Variants in BRPF3 observed in about 807,000 individuals in gnomAD.
BRPF3 encodes the protein bromodomain and PHD finger containing 3.
BRPF3 carries 18 observed loss-of-function variants against 102.0 expected under a neutral mutation model. The ratio of observed to expected loss-of-function variants is 0.18; its 90% CI spans 0.12 to 0.26. The LOEUF (loss-of-function observed/expected upper bound fraction) is 0.26. BRPF3 is among the 10% of genes least tolerant of loss of function. The pLI is 1.00. For synonymous variants in BRPF3, 570 were observed against 614.2 expected, an observed-to-expected ratio of 0.93 and a Z score of 1.06; for missense variants, 1,147 against 1,567.8, an observed-to-expected ratio of 0.73 and a Z score of 4.53.
At position 36,200,163 on chromosome 6, in the gene BRPF3, A is replaced by G. The variant is rs1422984803; in HGVS notation, c.-26-134A>G. The stretch of plus-strand genomic sequence containing the variant: ...CTCAAAGGAAGTGAAGGAGCAAGCC[A>G]TGTGGATGCCTGAGGGGCAAGTTGT... On this transcript the variant is annotated intron_variant, in intron 1 of 12. Coordinates refer to ENST00000357641, the MANE Select transcript of BRPF3 (RefSeq NM_015695.3). This position sits in a 1 kb window ranked among gnomAD's most constrained non-coding sequence, Gnocchi z 5.3. 4 of 1,106,196 alleles carry G rather than the reference A, an allele frequency of 3.6e-6. No individual in the cohort carries two copies. The highest frequency in any genetic ancestry group is 3.0e-4 in the Middle Eastern group (1 of 3,332). The allele number at this position is 1,106,196 out of a possible 1,614,324, so 68.5% of individuals were successfully genotyped here. A position where few individuals can be genotyped will look rare whatever the true frequency, so the allele number is the denominator to read the frequency against.
At chr6:36,212,724 C>T (rs1364361824) in intron 7 of BRPF3, among the ~76,000 whole-genome samples, 7 of 151,870 alleles carry the variant, frequency 4.6e-5, no homozygotes, top group African/African-American at 9.7e-5. Context: ...GAGGCCGAGG[C>T]GGGTGGATCA....
chr6:36,209,945 ATTC>A (rs772458567), intron 5 of BRPF3, 30 bp downstream of exon 5: 14 of 1,612,208 alleles, frequency 8.7e-6, no homozygotes, highest in Non-Finnish European at 1.2e-5. Context: ...CAAGTAGTAA[ATTC>A]TTCTTGAACT....
At chr6:36,208,258 T>C (rs1275605801) in intron 4 of BRPF3, among the ~76,000 whole-genome samples, 2 of 152,170 alleles carry the variant, frequency 1.3e-5, no homozygotes, top group Admixed American at 1.3e-4. Flanking sequence ...ATACTGTTAA[T>C]TAAGTGGATG....
chr6:36,208,088 C>T (rs905751658), intron 4 of BRPF3, among the ~76,000 whole-genome samples: 1 of 152,210 alleles, frequency 6.6e-6, no homozygotes, highest in African/African-American at 2.4e-5. Flanking sequence ...GAGCCTACAT[C>T]ATAAGGTTGT....
At position 36,196,906 on chromosome 6, in the gene BRPF3, C is replaced by T. The variant is rs1767510053; in HGVS notation, c.-91C>T. 6.6e-6 allele frequency: 1 copy of T among 151,600 alleles called. No individual in the cohort carries two copies. Among genetic ancestry groups the T allele is most frequent in the African/African-American group, 2.4e-5 (1 of 41,308 alleles). 9.4% of individuals were successfully genotyped at this position (151,600 alleles called of 1,614,324 possible). ...GCTCCGCTTCCCGGGCCGCGCCGAC[C>T]TGCTCGGCGGCCTGCCCGCCCGCGC... On this transcript the variant is annotated 5_prime_UTR_variant, in exon 1 of 13. Transcript: ENST00000357641.
In BRPF3 at chr6:36,218,024, C is replaced by G. The variant is rs1417418709; in HGVS notation, c.3083+14C>G. On this transcript the variant is annotated intron_variant, in intron 9 of 12. Transcript: ENST00000357641. ...TGAAGCTTGCAGGTAAGAACACATT[C>G]CCAAAGCTTTGTCAGCAGCTCTGCT... 2.5e-6 allele frequency: 4 copies of G among 1,606,722 alleles called. No individual in the cohort carries two copies. The Admixed American group carries it at 5.1e-5, about 20-fold the overall frequency.
chr6:36,216,613 A>G (rs1344000819), intron 8 of BRPF3, among the ~76,000 whole-genome samples: 1 of 152,214 alleles, frequency 6.6e-6, no homozygotes, highest in Non-Finnish European at 1.5e-5. Context: ...ACCTGCTCTT[A>G]TAGGAGGGAC....
chr6:36,227,008 T>G lies in BRPF3; in HGVS notation c.3279+1644T>G, dbSNP rs552973155. Among the ~76,000 whole-genome samples, 20 of 152,320 alleles carry G rather than the reference T, an allele frequency of 1.3e-4. No individual in the cohort carries two copies. The South Asian group carries it at 2.9e-3, about 22-fold the overall frequency. On this transcript the variant is annotated intron_variant, in intron 11 of 12. Transcript: ENST00000357641. The stretch of plus-strand genomic sequence containing the variant: ...ATACCTCACAATGCAAAAAAACTAG[T>G]CTAAAACTCGTCTTTTTTTTAATTA...
In BRPF3 at chr6:36,230,161, C is replaced by G. The variant is rs1052201736; in HGVS notation, c.3435-265C>G. 6.6e-6 allele frequency among the ~76,000 whole-genome samples: 1 copy of G among 152,246 alleles called. No individual in the cohort carries two copies. Among genetic ancestry groups the G allele is most frequent in the African/African-American group, 2.4e-5 (1 of 41,540 alleles). On this transcript the variant is annotated intron_variant, in intron 12 of 12. Transcript: ENST00000357641. This position sits in a 1 kb window ranked among gnomAD's most constrained non-coding sequence, Gnocchi z 5.4. Reference sequence around the variant, plus strand: ...TTTCTTAGCCTATGGACCCTTACAACTCTCCAAACAGAGTAAGGGCCCAGA... The same window carrying G: ...TTTCTTAGCCTATGGACCCTTACAAGTCTCCAAACAGAGTAAGGGCCCAGA...
chr6:36,201,876 T>C lies in BRPF3; in HGVS notation c.1448+106T>C. ...AACACAGTTGGACACTATATCCTCCTCCCCGAATTTAAACTCTTCCTTTTG... is the reference window on the plus strand; with the variant it reads ...AACACAGTTGGACACTATATCCTCCCCCCCGAATTTAAACTCTTCCTTTTG... On this transcript the variant is annotated intron_variant, in intron 2 of 12. Transcript: ENST00000357641. This position sits in a 1 kb window ranked among gnomAD's most constrained non-coding sequence, Gnocchi z 5.1. The C allele has an allele frequency of 6.9e-7, 1 of 1,453,238 alleles. No individual in the cohort carries two copies. The highest frequency in any genetic ancestry group is 9.2e-7 in the Non-Finnish European group (1 of 1,089,686). 90.0% of individuals were successfully genotyped at this position (1,453,238 alleles called of 1,614,324 possible). A position where few individuals can be genotyped will look rare whatever the true frequency, so the allele number is the denominator to read the frequency against.
At chr6:36,205,386 C>T (rs1335273203) in intron 3 of BRPF3, among the ~76,000 whole-genome samples, 1 of 152,150 alleles carries the variant, frequency 6.6e-6, no homozygotes, top group East Asian at 1.9e-4. Flanking sequence ...TAAGTGTTCC[C>T]ACACTGCTGC....
intron 2 of BRPF3, among the ~76,000 whole-genome samples, chr6:36,202,174 A>G (rs1767729780): frequency 6.6e-6 from 1 of 152,084 alleles, no homozygotes; most frequent in Admixed American, 6.5e-5. Flanking sequence ...GGTCTTTGTG[A>G]CAAACTCAAA....
chr6:36,206,355 G>A lies in BRPF3; in HGVS notation c.1606-958G>A, dbSNP rs189625900. Among the ~76,000 whole-genome samples, 552 of 152,292 alleles carry A rather than the reference G, an allele frequency of 3.6e-3. 1 individual carries two copies. Among genetic ancestry groups the A allele is most frequent in the Non-Finnish European group, 6.3e-3 (432 of 68,032 alleles). The stretch of plus-strand genomic sequence containing the variant: ...TTTTATAAGCTTGGCTTTGGGGCAG[G>A]AATGTCTGACTGTGGAGAGGAGCAA... On this transcript the variant is annotated intron_variant, in intron 3 of 12. Coordinates refer to ENST00000357641, the MANE Select transcript of BRPF3 (RefSeq NM_015695.3).
intron 7 of BRPF3, among the ~76,000 whole-genome samples, chr6:36,213,445 G>A (rs1396733711): frequency 1.3e-5 from 2 of 152,120 alleles, no homozygotes; most frequent in Non-Finnish European, 2.9e-5. Flanking sequence ...TGTAATCTCA[G>A]CACTTTGGGA....
intron 7 of BRPF3, among the ~76,000 whole-genome samples, chr6:36,212,268 T>C (rs1768147901): frequency 6.6e-6 from 1 of 152,152 alleles, no homozygotes; most frequent in Non-Finnish European, 1.5e-5. Context: ...GATGGAATTG[T>C]CTCCCTCATA....
chr6:36,226,414 A>T (rs907982205), intron 11 of BRPF3, among the ~76,000 whole-genome samples: 7 of 152,358 alleles, frequency 4.6e-5, no homozygotes, highest in Non-Finnish European at 7.3e-5. Context: ...GCTCTGGAAG[A>T]TACCACTGAT....
Position 36,218,616 on chromosome 6 carries a change from C to T in BRPF3, c.3083+606C>T, listed in dbSNP as rs375241281. Among the ~76,000 whole-genome samples the T allele has an allele frequency of 7.2e-5, 11 of 152,188 alleles. No individual in the cohort carries two copies. The South Asian group carries it at 1.7e-3, about 23-fold the overall frequency. ...CTGGGAGTATAGGCACGTGCCACCACGCCTAGCTAATTTTTGTATTTTAGT... is the reference window on the plus strand; with the variant it reads ...CTGGGAGTATAGGCACGTGCCACCATGCCTAGCTAATTTTTGTATTTTAGT... On this transcript the variant is annotated intron_variant, in intron 9 of 12. Transcript: ENST00000357641.
intron 11 of BRPF3, among the ~76,000 whole-genome samples, chr6:36,225,810 T>C (rs1162109975): frequency 6.6e-6 from 1 of 152,176 alleles, no homozygotes; most frequent in Non-Finnish European, 1.5e-5. Context: ...GCCCAGGGCT[T>C]AAAATGTGTG....
At chr6:36,206,938 T>C (rs1767926681) in intron 3 of BRPF3, among the ~76,000 whole-genome samples, 1 of 152,198 alleles carries the variant, frequency 6.6e-6, no homozygotes, top group Non-Finnish European at 1.5e-5. Context: ...AGGCTTATAG[T>C]AAGAACCTTG....
Sources: allele counts gnomAD v4.1 joint callset (sites outside exome capture counted in the v4.1 genomes callset), GRCh38; gene constraint gnomAD v4.1.1; non-coding constraint Gnocchi (gnomAD v3.1); transcripts MANE v1.5; gene names NCBI Gene and HGNC (gene_info 2026-07-23, HGNC 2026-07-21).